Variants in TMPRSS11D observed in about 807,000 individuals in gnomAD.
TMPRSS11D encodes the protein transmembrane protease serine 11D.
In TMPRSS11D, 32 loss-of-function variants were observed where a neutral mutation model predicts 44.4. That is an observed-to-expected ratio of 0.72 (90% CI 0.54 to 0.97). The LOEUF is 0.97. Among genes scored for constraint, TMPRSS11D ranks in the 50% least tolerant of loss-of-function variants. The pLI is 0.00. For synonymous variants in TMPRSS11D, 179 were observed against 177.9 expected (o/e 1.01, Z -0.05); for missense variants, 446 against 502.6 (o/e 0.89, Z 1.08).
rs955213473 is a variant in TMPRSS11D at position 67,821,895 on chromosome 4, T to G, written c.*442A>C. The G allele has an allele frequency of 1.2e-4, 18 of 154,354 alleles. No individual in the cohort carries two copies. The highest frequency in any genetic ancestry group is 4.3e-4 in the African/African-American group (18 of 41,464). The allele number at this position is 154,354 out of a possible 1,614,324, so 9.6% of individuals were successfully genotyped here. ...TTCTCTTGCCTCATACTGTTCTTTT[T>G]GTCTTGAATATTATTCTATCACTTT... On this transcript the variant is annotated 3_prime_UTR_variant, in exon 10 of 10. Transcript: ENST00000283916.
chr4:67,852,666 A>T (rs1718536730), intron 3 of TMPRSS11D, among the ~76,000 whole-genome samples: 1 of 152,214 alleles, frequency 6.6e-6, no homozygotes, highest in Admixed American at 6.5e-5. Flanking sequence ...GTTTAATGAG[A>T]TCAGAATGAA....
At chr4:67,843,994 C>T (rs1718298014) in intron 3 of TMPRSS11D, among the ~76,000 whole-genome samples, 1 of 152,150 alleles carries the variant, frequency 6.6e-6, no homozygotes, top group African/African-American at 2.4e-5. Flanking sequence ...ACTACTCAGT[C>T]CCAGCAAGGA....
At chr4:67,824,513 G>T (rs569691185) in intron 9 of TMPRSS11D, among the ~76,000 whole-genome samples, 5 of 151,998 alleles carry the variant, frequency 3.3e-5, no homozygotes, top group Admixed American at 6.6e-5. Context: ...AGAGCAAGAA[G>T]GGTTTCCTAG....
At chr4:67,834,512 A>AT (rs1194887925) in intron 6 of TMPRSS11D, among the ~76,000 whole-genome samples, 1 of 148,112 alleles carries the variant, frequency 6.8e-6, no homozygotes, top group Admixed American at 6.7e-5. Flanking sequence ...TTTTAACTGC[A>AT]TTTTTTTGGT....
chr4:67,827,672 G>A (rs1717838388), intron 7 of TMPRSS11D, 152 bp from the exon 8 acceptor site: 1 of 828,134 alleles, frequency 1.2e-6, no homozygotes, highest in Non-Finnish European at 1.8e-6. Flanking sequence ...TGGCAAGTGA[G>A]TTTAATTCTT....
chr4:67,849,534 T>C (rs1718443737), intron 3 of TMPRSS11D, among the ~76,000 whole-genome samples: 1 of 151,994 alleles, frequency 6.6e-6, no homozygotes, highest in South Asian at 2.1e-4. Context: ...AGAGAAGTAA[T>C]GACCAGTGAG....
chr4:67,834,132 C>G (rs1718014719), intron 6 of TMPRSS11D, among the ~76,000 whole-genome samples: 1 of 152,186 alleles, frequency 6.6e-6, no homozygotes, highest in Non-Finnish European at 1.5e-5. Flanking sequence ...CCCAATTCCT[C>G]TCAACTCGCA....
At chr4:67,862,389 C>T (rs996457569) in intron 1 of TMPRSS11D, among the ~76,000 whole-genome samples, 3 of 152,152 alleles carry the variant, frequency 2.0e-5, no homozygotes, top group Non-Finnish European at 4.4e-5. Context: ...CTTCCGCTCA[C>T]ATACACTTTG....
intron 1 of TMPRSS11D, among the ~76,000 whole-genome samples, chr4:67,870,489 C>T (rs1270627274): frequency 6.6e-6 from 1 of 152,232 alleles, no homozygotes; most frequent in Non-Finnish European, 1.5e-5. Flanking sequence ...TTGATGTCTT[C>T]TCAGTGAGAC....
At chr4:67,850,480 T>G (rs764948408) in intron 3 of TMPRSS11D, among the ~76,000 whole-genome samples, 22 of 141,812 alleles carry the variant, frequency 1.6e-4, no homozygotes, top group Non-Finnish European at 2.7e-4. Flanking sequence ...TAGGAAGAGA[T>G]AAAACTGCTG....
At chr4:67,850,974 G>A (rs1053136523) in intron 3 of TMPRSS11D, among the ~76,000 whole-genome samples, 8 of 152,198 alleles carry the variant, frequency 5.3e-5, no homozygotes, top group Non-Finnish European at 1.2e-4. Flanking sequence ...GAAAAAGCCT[G>A]TGAGCCTTCG....
chr4:67,860,297 A>G (rs542635256), intron 1 of TMPRSS11D: 1 of 152,242 alleles, frequency 6.6e-6, no homozygotes, highest in African/African-American at 2.4e-5. Flanking sequence ...GATTTATCAT[A>G]TTTTCCCCAT....
At chr4:67,857,851 G>A (rs1428389477) in intron 2 of TMPRSS11D, among the ~76,000 whole-genome samples, 1 of 152,146 alleles carries the variant, frequency 6.6e-6, no homozygotes, top group Non-Finnish European at 1.5e-5. Flanking sequence ...AAAGTAGCTA[G>A]AAAAGAGGAC....
intron 8 of TMPRSS11D, among the ~76,000 whole-genome samples, chr4:67,826,704 G>T (rs1385605995): frequency 6.6e-6 from 1 of 151,244 alleles, no homozygotes; most frequent in African/African-American, 2.4e-5. Context: ...CAGGAGGATG[G>T]CTTGAGGGCA....
chr4:67,842,015 A>G (rs369215352), intron 4 of TMPRSS11D, among the ~76,000 whole-genome samples: 14 of 152,196 alleles, frequency 9.2e-5, no homozygotes, highest in African/African-American at 3.1e-4. Context: ...TTATCACATC[A>G]TATTTAACTA....
chr4:67,828,793 TG>T (rs1349096777), intron 7 of TMPRSS11D, among the ~76,000 whole-genome samples: 1 of 152,136 alleles, frequency 6.6e-6, no homozygotes, highest in Non-Finnish European at 1.5e-5. Context: ...GAGGTAGAAG[TG>T]GTCCAGTCAA....
chr4:67,879,391 GA>G (rs1224105809), intron 1 of TMPRSS11D, among the ~76,000 whole-genome samples: 2 of 146,910 alleles, frequency 1.4e-5, no homozygotes, highest in Non-Finnish European at 3.0e-5. Flanking sequence ...TGAAGAAGGA[GA>G]ATGGCATGAA....
Position 67,850,496 on chromosome 4 carries a change from G to A in TMPRSS11D, c.249+3572C>T, listed in dbSNP as rs189007655. On this transcript the variant is annotated intron_variant, in intron 3 of 9. Transcript: ENST00000283916. ...AGGAAGAGATAAAACTGCTGGGGGT[G>A]GGTGGGGGGAAGGAAGTCCAAGGGA... is the stretch of plus-strand genomic sequence containing the variant. Among the ~76,000 whole-genome samples the A allele has an allele frequency of 1.4e-3, 214 of 152,240 alleles. 2 individuals carry two copies. The South Asian group carries it at 0.025, about 18-fold the overall frequency.
At chr4:67,830,460 A>G (rs1240321710) in intron 7 of TMPRSS11D, among the ~76,000 whole-genome samples, 1 of 152,082 alleles carries the variant, frequency 6.6e-6, no homozygotes, top group African/African-American at 2.4e-5. Context: ...GATAATACCA[A>G]TTTAGGAGTT....
Sources: allele counts gnomAD v4.1 joint callset (sites outside exome capture counted in the v4.1 genomes callset), GRCh38; gene constraint gnomAD v4.1.1; transcripts MANE v1.5; gene names NCBI Gene and HGNC (gene_info 2026-07-23, HGNC 2026-07-21).